SPMIP7: variants seen among roughly 807,000 people sequenced by gnomAD.
The protein encoded by SPMIP7 is sperm microtubule inner protein 7.
chr7:50,119,384 T>C, the SPMIP7 span, among the ~76,000 whole-genome samples: 4 of 152,218 alleles, frequency 2.6e-5, no homozygotes, highest in African/African-American at 9.6e-5. Flanking sequence ...TCATGAAAAC[T>C]GAAAACCTTA....
At chr7:50,126,386 T>G in the SPMIP7 span, among the ~76,000 whole-genome samples, 1 of 151,980 alleles carries the variant, frequency 6.6e-6, no homozygotes, top group Non-Finnish European at 1.5e-5. Flanking sequence ...TCTGTTTTTT[T>G]TTTAATCAGA....
chr7:50,114,234 C>T, the SPMIP7 span, among the ~76,000 whole-genome samples: 3 of 152,140 alleles, frequency 2.0e-5, no homozygotes, highest in African/African-American at 7.2e-5. Flanking sequence ...AAATGGTAAA[C>T]ATATGGGTAA....
chr7:50,133,513 A>C, the SPMIP7 span, among the ~76,000 whole-genome samples: 1 of 152,110 alleles, frequency 6.6e-6, no homozygotes, highest in African/African-American at 2.4e-5. Context: ...AAACTGTAAG[A>C]TGTATGTAAG....
At chr7:50,148,255 C>T in the SPMIP7 span, among the ~76,000 whole-genome samples, 2 of 152,306 alleles carry the variant, frequency 1.3e-5, no homozygotes, top group South Asian at 4.1e-4. Flanking sequence ...CAAGACTGAG[C>T]AGCTAATCAG....
At chr7:50,141,452 T>C in the SPMIP7 span, 13 of 1,009,068 alleles carry the variant, frequency 1.3e-5, no homozygotes, top group Non-Finnish European at 1.8e-5. Flanking sequence ...ATGATGGACT[T>C]TACCATAAAT....
At chr7:50,107,588 A>G in the SPMIP7 span, among the ~76,000 whole-genome samples, 2 of 152,106 alleles carry the variant, frequency 1.3e-5, no homozygotes, top group African/African-American at 2.4e-5. Context: ...AATATGAAAA[A>G]TACAGAAGTG....
At chr7:50,127,091 CATAT>C in the SPMIP7 span, among the ~76,000 whole-genome samples, 1 of 151,804 alleles carries the variant, frequency 6.6e-6, no homozygotes. Context: ...AGGGAGCCCA[CATAT>C]AAATCCACAC....
chr7:50,108,609 CA>C, the SPMIP7 span, among the ~76,000 whole-genome samples: 59 of 152,114 alleles, frequency 3.9e-4, no homozygotes, highest in South Asian at 4.6e-3. Flanking sequence ...TGATAAAGGG[CA>C]ATAAAAACTG....
chr7:50,131,985 A>G, the SPMIP7 span, among the ~76,000 whole-genome samples: 3 of 152,134 alleles, frequency 2.0e-5, no homozygotes, highest in Admixed American at 2.0e-4. Flanking sequence ...TCACATTTCA[A>G]CTTCATTTTT....
the SPMIP7 span, among the ~76,000 whole-genome samples, chr7:50,101,207 C>T: frequency 6.6e-5 from 10 of 152,206 alleles, no homozygotes; most frequent in African/African-American, 1.2e-4. Flanking sequence ...TAGTAAGCAT[C>T]ATGCAAATGG....
chr7:50,155,157 A>C, the SPMIP7 span, among the ~76,000 whole-genome samples: 1 of 152,106 alleles, frequency 6.6e-6, no homozygotes, highest in Non-Finnish European at 1.5e-5. Context: ...CATCTTGCTG[A>C]TTGTTTCCCT....
chr7:50,126,380 T>G, the SPMIP7 span, among the ~76,000 whole-genome samples: 6 of 90,026 alleles, frequency 6.7e-5, no homozygotes, highest in South Asian at 3.7e-4. Context: ...TATATATCTG[T>G]TTTTTTTTTA....
the SPMIP7 span, among the ~76,000 whole-genome samples, chr7:50,133,606 T>C: frequency 6.6e-6 from 1 of 152,130 alleles, no homozygotes; most frequent in African/African-American, 2.4e-5. Flanking sequence ...TCTAGGTATG[T>C]CCCAACTGGG....
the SPMIP7 span, among the ~76,000 whole-genome samples, chr7:50,107,734 C>G: frequency 0.78 from 118,094 of 151,892 alleles, 46,014 homozygotes; most frequent in East Asian, 0.88. Flanking sequence ...TTTCTGATAT[C>G]TCCCTGAGGC....
chr7:50,141,304 CTGA>C, the SPMIP7 span: 2 of 1,551,560 alleles, frequency 1.3e-6, no homozygotes, highest in South Asian at 2.4e-5. Context: ...TCTACAAATG[CTGA>C]TGATGTTGAC....
At chr7:50,098,352 C>T in the SPMIP7 span, among the ~76,000 whole-genome samples, 1 of 152,168 alleles carries the variant, frequency 6.6e-6, no homozygotes, top group African/African-American at 2.4e-5. Flanking sequence ...CTTTATAGTA[C>T]TCTGCCTCTC....
the SPMIP7 span, among the ~76,000 whole-genome samples, chr7:50,105,586 C>T: frequency 1.8e-4 from 27 of 152,240 alleles, no homozygotes; most frequent in South Asian, 5.2e-3. Flanking sequence ...AAACAAAGGG[C>T]ATGAAACAGA....
the SPMIP7 span, among the ~76,000 whole-genome samples, chr7:50,107,490 A>G: frequency 3.3e-5 from 5 of 151,836 alleles, no homozygotes; most frequent in African/African-American, 1.2e-4. Flanking sequence ...GTTCAGTAAT[A>G]GATTAGATAC....
At chr7:50,101,273 A>T in the SPMIP7 span, among the ~76,000 whole-genome samples, 41 of 152,360 alleles carry the variant, frequency 2.7e-4, no homozygotes, top group African/African-American at 8.9e-4. Context: ...CTTATCTGGG[A>T]TCTCAGTCAC....
Sources: allele counts gnomAD v4.1 joint callset (sites outside exome capture counted in the v4.1 genomes callset), GRCh38; gene constraint gnomAD v4.1.1; transcripts MANE v1.5; gene names NCBI Gene and HGNC (gene_info 2026-07-23, HGNC 2026-07-21).